Variants in LTF observed in about 807,000 individuals in gnomAD.
LTF encodes the protein lactotransferrin, also known as epididymis luminal protein 110.
In LTF, 91 loss-of-function variants were observed where a neutral mutation model predicts 87.2. That is an observed-to-expected ratio of 1.04 (90% CI 0.88 to 1.24). The LOEUF (loss-of-function observed/expected upper bound fraction) is 1.24. LTF is among the 50% of genes most tolerant of loss of function. The probability of loss-of-function intolerance (pLI) is 0.00; values close to 1 mark genes in which losing one functional copy is unlikely to be tolerated. For synonymous variants in LTF, 378 were observed against 356.1 expected (o/e 1.06, Z -0.69); for missense variants, 901 against 904.3 (o/e 1.00, Z 0.05).
chr3:46,444,327 A>C (rs1360725173), intron 12 of LTF, among the ~76,000 whole-genome samples: 1 of 152,228 alleles, frequency 6.6e-6, no homozygotes, highest in Non-Finnish European at 1.5e-5. Flanking sequence ...ACTACATGAC[A>C]CAGAAATTAA....
chr3:46,450,984 T>A (rs1027011244), intron 6 of LTF, among the ~76,000 whole-genome samples: 2 of 152,122 alleles, frequency 1.3e-5, no homozygotes, highest in Admixed American at 6.5e-5. Flanking sequence ...CATCTCTGCC[T>A]GGAAAAGTCA....
intron 13 of LTF, chr3:46,441,797 A>ATGTGCAG (rs1702519526): frequency 3.8e-6 from 1 of 265,326 alleles, no homozygotes; most frequent in Non-Finnish European, 7.2e-6. Context: ...AGGACCACAG[A>ATGTGCAG]TGTGCAGGCG....
At chr3:46,450,359 A>G in intron 7 of LTF, 136 bp downstream of exon 7, 1 of 909,118 alleles carries the variant, frequency 1.1e-6, no homozygotes, top group Non-Finnish European at 1.7e-6. Context: ...AGCCTGGGCA[A>G]GCAGCCCAAT....
chr3:46,443,427 A>T lies in LTF; in HGVS notation c.1655+14T>A, dbSNP rs770282343. 3.7e-6 allele frequency: 6 copies of T among 1,613,942 alleles called. No individual in the cohort carries two copies. The highest frequency in any genetic ancestry group is 5.1e-6 in the Non-Finnish European group (6 of 1,179,962). On this transcript the variant is annotated intron_variant, in intron 13 of 16. Coordinates refer to ENST00000231751, the MANE Select transcript of LTF (RefSeq NM_002343.6). ...GTAAGTCCCCATCCTGATGGAGCTC[A>T]GTCACAGACTCACCGGAAAGCCCCA...
intron 2 of LTF, 89 bp downstream of exon 2, chr3:46,459,567 G>A (rs962346275): frequency 1.6e-6 from 2 of 1,255,260 alleles, no homozygotes; most frequent in Non-Finnish European, 2.1e-6. Context: ...TGAAGCAGAG[G>A]AAGTAAGGAG....
chr3:46,459,876 C>T (rs1053424696), intron 1 of LTF, 57 bp from the exon 2 acceptor site: 30 of 1,331,444 alleles, frequency 2.3e-5, no homozygotes, highest in African/African-American at 3.1e-5. Context: ...GCGTGACCAC[C>T]GCACCCTCTG....
rs577436154 is a variant in LTF at position 46,447,708 on chromosome 3, C to T, written c.1213-310G>A. 2.6e-5 allele frequency among the ~76,000 whole-genome samples: 4 copies of T among 152,326 alleles called. No individual in the cohort carries two copies. In the South Asian group the frequency reaches 8.3e-4, roughly 32 times the overall value. Reference sequence around the variant, plus strand: ...GGGACACCTTCCTGGAGCAGTCTCACTGACTGAGGACACAGATGGGAACAG... The same window carrying T: ...GGGACACCTTCCTGGAGCAGTCTCATTGACTGAGGACACAGATGGGAACAG... On this transcript the variant is annotated intron_variant, in intron 9 of 16. Transcript: ENST00000231751.
intron 14 of LTF, among the ~76,000 whole-genome samples, 155 bp downstream of exon 14, chr3:46,441,261 T>C (rs1204507698): frequency 6.6e-6 from 1 of 152,186 alleles, no homozygotes; most frequent in Admixed American, 6.5e-5. Flanking sequence ...ACAGATGTTA[T>C]CATGTTGTCT....
chr3:46,471,533 C>T (rs1703286305), intron 1 of LTF, among the ~76,000 whole-genome samples: 1 of 152,220 alleles, frequency 6.6e-6, no homozygotes, highest in African/African-American at 2.4e-5. Context: ...GGGTCCACCT[C>T]CAGGCTTGGC....
intron 9 of LTF, 136 bp downstream of exon 9, chr3:46,448,727 A>G (rs1702719506): frequency 9.9e-7 from 1 of 1,006,726 alleles, no homozygotes; most frequent in African/African-American, 1.7e-5. Flanking sequence ...TCTGGCCCTG[A>G]GCACACCTCT....
intron 6 of LTF, among the ~76,000 whole-genome samples, chr3:46,452,664 A>G (rs1702831760): frequency 6.6e-6 from 1 of 152,254 alleles, no homozygotes; most frequent in East Asian, 1.9e-4. Context: ...TAACAAAAGC[A>G]GAAAAAATGC....
intron 1 of LTF, among the ~76,000 whole-genome samples, chr3:46,476,561 A>T (rs911262858): frequency 6.6e-6 from 1 of 152,240 alleles, no homozygotes; most frequent in Non-Finnish European, 1.5e-5. Flanking sequence ...TGTAGCATAC[A>T]TATGCATATA....
In LTF at chr3:46,436,215, A is replaced by G; in HGVS notation, c.2113T>C (p.Cys705Arg). 6.2e-7 allele frequency: 1 copy of G among 1,614,140 alleles called. No individual in the cohort carries two copies. The highest frequency in any genetic ancestry group is 8.5e-7 in the Non-Finnish European group (1 of 1,179,970). Residue 705 changes from cysteine (C) to arginine (R), a missense_variant, in exon 17 of 17, where the codon TGT becomes CGT. By Grantham distance (180) the Cys-to-Arg change is radical. Coordinates refer to ENST00000231751, the MANE Select transcript of LTF (RefSeq NM_002343.6). ...CGGTTTTACTTCCTGAGGAATTCAC[A>G]GGCTTCCAGGAGGGCTGTGGGACAC... ...KCSTSPLLEA[C>R]EFLRK is the part of the protein sequence containing the mutation.
At chr3:46,462,668 C>T (rs930197733) in intron 1 of LTF, among the ~76,000 whole-genome samples, 8 of 152,122 alleles carry the variant, frequency 5.3e-5, no homozygotes, top group African/African-American at 1.7e-4. Context: ...CTGTGACTCA[C>T]GGGAGACTCT....
chr3:46,456,057 G>T (rs1702921871), intron 3 of LTF, 79 bp from the exon 4 acceptor site: 1 of 1,306,044 alleles, frequency 7.7e-7, no homozygotes, highest in East Asian at 2.5e-5. Context: ...AAAGTCTCCG[G>T]TGGGAAGGGG....
At chr3:46,454,027 G>A in intron 6 of LTF, 1 of 458,502 alleles carries the variant, frequency 2.2e-6, no homozygotes, top group Non-Finnish European at 4.0e-6. Flanking sequence ...AGCACAATCT[G>A]TTCTGCATGA....
At chr3:46,445,129 G>A (rs985161495) in intron 12 of LTF, 152 bp downstream of exon 12, 48 of 737,482 alleles carry the variant, frequency 6.5e-5, no homozygotes, top group Non-Finnish European at 9.1e-5. Context: ...CGCCTCCAGG[G>A]GGCAGCCACA....
At position 46,447,543 on chromosome 3, in the gene LTF, A is replaced by G. The variant is rs547343198; in HGVS notation, c.1213-145T>C. ...TGGACTATTCAAACTGAGCAGCCAG[A>G]GGAAACACCGTGTGCACCACTAATT... is the stretch of plus-strand genomic sequence containing the variant. On this transcript the variant is annotated intron_variant, in intron 9 of 16. Coordinates refer to ENST00000231751, the MANE Select transcript of LTF (RefSeq NM_002343.6). The G allele has an allele frequency of 3.1e-4, 209 of 666,196 alleles. 1 individual carries two copies. The African/African-American group carries it at 3.2e-3, about 10-fold the overall frequency. 41.3% of individuals were successfully genotyped at this position (666,196 alleles called of 1,614,324 possible).
At chr3:46,437,727 G>A (rs186936403) in intron 16 of LTF, among the ~76,000 whole-genome samples, 409 of 152,122 alleles carry the variant, frequency 2.7e-3, no homozygotes, top group Non-Finnish European at 4.5e-3. Flanking sequence ...ATCACTATCC[G>A]TACTATAAAA....
Sources: allele counts gnomAD v4.1 joint callset (sites outside exome capture counted in the v4.1 genomes callset), GRCh38; gene constraint gnomAD v4.1.1; transcripts MANE v1.5; gene names NCBI Gene and HGNC (gene_info 2026-07-23, HGNC 2026-07-21).